Variants in MYLK3 observed in about 807,000 individuals in gnomAD.
MYLK3 encodes MLC kinase.
Under a neutral mutation model 76.3 loss-of-function variants are expected in MYLK3, and 55 were observed. The observed-to-expected ratio is 0.72, with a 90% CI of 0.58 to 0.90. The LOEUF is 0.90. Among genes scored for constraint, MYLK3 ranks in the 40% least tolerant of loss-of-function variants. The pLI, the probability that MYLK3 is intolerant of heterozygous loss-of-function variation, is 0.00. For missense variants in MYLK3, 973 were observed against 1,053.6 expected, an observed-to-expected ratio of 0.92 and a Z score of 1.06; for synonymous variants, 416 against 425.4, an observed-to-expected ratio of 0.98 and a Z score of 0.27.
At chr16:46,746,283 A>G (rs8044684) in intron 1 of MYLK3, among the ~76,000 whole-genome samples, 28,170 of 152,104 alleles carry the variant, frequency 0.19, 3,076 homozygotes, top group African/African-American at 0.29. Flanking sequence ...TTTAGAGAAT[A>G]ATGACAAGAA....
At chr16:46,754,992 A>C (rs951033537) in intron 1 of MYLK3, among the ~76,000 whole-genome samples, 2 of 151,178 alleles carry the variant, frequency 1.3e-5, no homozygotes, top group African/African-American at 4.9e-5. Flanking sequence ...AACCTCCTGG[A>C]CTCAAGCAGT....
At chr16:46,744,829 G>A (rs1966996132) in intron 1 of MYLK3, among the ~76,000 whole-genome samples, 1 of 152,048 alleles carries the variant, frequency 6.6e-6, no homozygotes, top group Non-Finnish European at 1.5e-5. Context: ...GTAAGACCCT[G>A]TCTCTAAATA....
chr16:46,757,408 A>T, intron 1 of MYLK3: 1 of 985,460 alleles, frequency 1.0e-6, no homozygotes, highest in Non-Finnish European at 1.2e-6. Flanking sequence ...ACACTTGCCC[A>T]GAGCTGCCCT....
intron 4 of MYLK3, 38 bp downstream of exon 4, chr16:46,732,170 T>C (rs1283502340): frequency 1.3e-6 from 2 of 1,514,052 alleles, no homozygotes; most frequent in Admixed American, 2.0e-5. Context: ...CTCCCTCCCC[T>C]CAGGGCTCGT....
At chr16:46,746,055 C>T (rs914080714) in intron 1 of MYLK3, among the ~76,000 whole-genome samples, 11 of 152,034 alleles carry the variant, frequency 7.2e-5, no homozygotes, top group African/African-American at 1.9e-4. Context: ...TATTTACAGT[C>T]GTGACTCTGT....
At chr16:46,708,216 G>A (rs553706012) in intron 12 of MYLK3, among the ~76,000 whole-genome samples, 3 of 151,958 alleles carry the variant, frequency 2.0e-5, no homozygotes, top group Non-Finnish European at 4.4e-5. Flanking sequence ...AGGTTACCCA[G>A]GTTTATCCTG....
intron 5 of MYLK3, 197 bp from the exon 6 acceptor site, chr16:46,729,884 G>A: frequency 1.6e-6 from 1 of 611,716 alleles, no homozygotes; most frequent in Non-Finnish European, 2.9e-6. Context: ...ACACCACCCA[G>A]GCCATTCCAC....
intron 1 of MYLK3, among the ~76,000 whole-genome samples, chr16:46,755,977 G>C (rs1398707732): frequency 1.6e-5 from 2 of 127,390 alleles, no homozygotes; most frequent in African/African-American, 5.9e-5. Flanking sequence ...GCGCGATCTT[G>C]GCTCACTGCA....
intron 1 of MYLK3, among the ~76,000 whole-genome samples, chr16:46,746,581 T>C (rs1967027930): frequency 6.6e-6 from 1 of 152,072 alleles, no homozygotes; most frequent in Non-Finnish European, 1.5e-5. Context: ...CCACAATGCC[T>C]GGTAAATTTA....
At chr16:46,762,763 C>A (rs969888756) in intron 1 of MYLK3, among the ~76,000 whole-genome samples, 4 of 152,214 alleles carry the variant, frequency 2.6e-5, no homozygotes, top group Admixed American at 6.5e-5. Context: ...TATTTGGGAA[C>A]AATCACTACA....
At chr16:46,753,740 G>T (rs1225485894) in intron 1 of MYLK3, among the ~76,000 whole-genome samples, 1 of 152,056 alleles carries the variant, frequency 6.6e-6, no homozygotes, top group African/African-American at 2.4e-5. Flanking sequence ...GGGAGACCCT[G>T]TCTCTACAAA....
chr16:46,752,129 G>A (rs1333223788), upstream of MYLK3, among the ~76,000 whole-genome samples: 1 of 152,154 alleles, frequency 6.6e-6, no homozygotes, highest in Non-Finnish European at 1.5e-5. Context: ...ATTCACCCTA[G>A]GGTGGGGCCA....
intron 1 of MYLK3, chr16:46,762,928 C>A: frequency 2.4e-6 from 2 of 836,862 alleles, no homozygotes; most frequent in Non-Finnish European, 2.9e-6. Flanking sequence ...TTTTTCTTGT[C>A]GTTTTTGATC....
chr16:46,710,742 A>C lies in MYLK3; in HGVS notation c.2162T>G (p.Met721Arg), dbSNP rs375224034. ...PFLGETDAET[M>R]NFIVNCSWDF... Reference sequence around the variant, plus strand: ...CCAGCTACAGTTTACAATGAAATTCATGGTCTCTGCATCTGTTTCCCCTAG... The same window carrying C: ...CCAGCTACAGTTTACAATGAAATTCCTGGTCTCTGCATCTGTTTCCCCTAG... The change falls in exon 11 of 13, where the codon ATG becomes AGG. Residue 721 changes from methionine (M) to arginine (R), a missense_variant. Physicochemically the swap from Met to Arg is moderately conservative, Grantham distance 91. Coordinates refer to ENST00000394809, the MANE Select transcript of MYLK3 (RefSeq NM_182493.3). 3 of 1,614,028 alleles carry C rather than the reference A, an allele frequency of 1.9e-6. No individual in the cohort carries two copies. Among genetic ancestry groups the C allele is most frequent in the African/African-American group, 1.3e-5 (1 of 74,920 alleles).
chr16:46,715,010 G>A (rs184756460), intron 9 of MYLK3, among the ~76,000 whole-genome samples: 20 of 152,222 alleles, frequency 1.3e-4, no homozygotes, highest in Admixed American at 4.6e-4. Flanking sequence ...TTATCATGAC[G>A]TCACTGAACG....
chr16:46,759,153 C>T (rs1967243848), intron 1 of MYLK3, among the ~76,000 whole-genome samples: 1 of 152,230 alleles, frequency 6.6e-6, no homozygotes. Flanking sequence ...GGGTTTGCTC[C>T]CAGGATCTTA....
Position 46,737,771 on chromosome 16 carries a change from C to T in MYLK3, c.941G>A (p.Gly314Glu), listed in dbSNP as rs1276234134. The T allele has an allele frequency of 6.2e-7, 1 of 1,611,642 alleles. No homozygotes were observed. Among genetic ancestry groups the T allele is most frequent in the African/African-American group, 1.3e-5 (1 of 74,996 alleles). ...GGCCTGGGCTGGCAGCCCTGGAGGCCCTGGGCACTGAGGGCCAGGCCCTGG... is the reference window on the plus strand; with the variant it reads ...GGCCTGGGCTGGCAGCCCTGGAGGCTCTGGGCACTGAGGGCCAGGCCCTGG... Reference protein sequence around the residue: ...LTPGPGPQCPGPPGLPAQARA... With the variant: ...LTPGPGPQCPEPPGLPAQARA... Residue 314 changes from glycine (G) to glutamate (E), a missense_variant, in exon 3 of 13, where the codon GGG (glycine) becomes GAG (glutamate). Physicochemically the swap from Gly to Glu is moderately conservative, Grantham distance 98 (BLOSUM62 -2). Transcript: ENST00000394809.
Position 46,718,439 on chromosome 16 carries a change from A to C in MYLK3, c.1985+2684T>G, listed in dbSNP as rs200954775. Among the ~76,000 whole-genome samples, 12 of 152,280 alleles carry C rather than the reference A, an allele frequency of 7.9e-5. No homozygotes were observed. The East Asian group carries it at 2.3e-3, about 29-fold the overall frequency. On this transcript the variant is annotated intron_variant, in intron 9 of 12. Transcript: ENST00000394809. ...CACTAGCAGCACATGGGGCACTGAA[A>C]ATGCATCATCACACTGCAAATGGGT...
At chr16:46,740,919 C>T (rs183347257) in intron 1 of MYLK3, among the ~76,000 whole-genome samples, 42 of 152,268 alleles carry the variant, frequency 2.8e-4, no homozygotes, top group African/African-American at 2.4e-4. Flanking sequence ...GCATTGGTTT[C>T]GGTTGAATTC....
Sources: allele counts gnomAD v4.1 joint callset (sites outside exome capture counted in the v4.1 genomes callset), GRCh38; gene constraint gnomAD v4.1.1; transcripts MANE v1.5; gene names NCBI Gene and HGNC (gene_info 2026-07-23, HGNC 2026-07-21).